SH3GL3: variants seen among roughly 807,000 people sequenced by gnomAD.
The protein encoded by SH3GL3 is endophilin-A3.
SH3GL3 carries 33 observed loss-of-function variants against 47.7 expected under a neutral mutation model. The observed-to-expected ratio is 0.69, with a 90% CI of 0.52 to 0.92. The LOEUF (loss-of-function observed/expected upper bound fraction) is 0.92, where lower values mean the gene tolerates loss of function less well. Among genes scored for constraint, SH3GL3 ranks in the 40% least tolerant of loss-of-function variants. SH3GL3 has a pLI of 0.00. For missense variants in SH3GL3, 363 were observed against 417.8 expected (o/e 0.87, Z 1.14); for synonymous variants, 155 against 148.8 (o/e 1.04, Z -0.30).
At chr15:83,619,137 T>G (rs774435899), downstream of SH3GL3, among the ~76,000 whole-genome samples, 5 of 152,190 alleles carry the variant, frequency 3.3e-5, no homozygotes, top group Non-Finnish European at 7.3e-5. Flanking sequence ...AGTTACATGC[T>G]TTGGCCCACT....
At chr15:83,554,234 C>A (rs556734468) in intron 1 of SH3GL3, among the ~76,000 whole-genome samples, 1 of 152,162 alleles carries the variant, frequency 6.6e-6, no homozygotes, top group South Asian at 2.1e-4. Context: ...ATTGCCCAGA[C>A]TGGAGTGCAA....
chr15:83,573,662 G>A (rs1361400642), intron 5 of SH3GL3, among the ~76,000 whole-genome samples: 1 of 152,188 alleles, frequency 6.6e-6, no homozygotes, highest in Non-Finnish European at 1.5e-5. Context: ...GAGCTTGGGT[G>A]GCCTTCCCTG....
At chr15:83,477,820 G>A (rs2041169221) in intron 1 of SH3GL3, among the ~76,000 whole-genome samples, 1 of 152,082 alleles carries the variant, frequency 6.6e-6, no homozygotes, top group African/African-American at 2.4e-5. Flanking sequence ...AAAATTCTTT[G>A]GAGTTTGTCA....
intron 8 of SH3GL3, among the ~76,000 whole-genome samples, chr15:83,608,584 A>T (rs1253151921): frequency 6.6e-6 from 1 of 152,170 alleles, no homozygotes. Context: ...TAAACCAGAT[A>T]TGCTTGTTTG....
chr15:83,592,548 C>T (rs1249087190), intron 8 of SH3GL3, among the ~76,000 whole-genome samples: 1 of 152,206 alleles, frequency 6.6e-6, no homozygotes, highest in Non-Finnish European at 1.5e-5. Flanking sequence ...GTTTGGCTTT[C>T]ACTCCTCCCC....
chr15:83,547,614 G>T (rs186466881), intron 1 of SH3GL3, among the ~76,000 whole-genome samples: 11 of 129,354 alleles, frequency 8.5e-5, no homozygotes, highest in Non-Finnish European at 1.6e-4. Context: ...GTTCCTGCAG[G>T]GGGGACGATT....
chr15:83,608,973 T>C (rs766595956), intron 8 of SH3GL3, among the ~76,000 whole-genome samples: 40 of 152,132 alleles, frequency 2.6e-4, no homozygotes, highest in Non-Finnish European at 2.6e-4. Context: ...ATTTCCTGAC[T>C]TCAGGCCAGG....
At chr15:83,488,078 A>C (rs1211819142) in intron 1 of SH3GL3, 2 of 151,680 alleles carry the variant, frequency 1.3e-5, no homozygotes. Context: ...GGGTTTCACC[A>C]TGTTGGCCAA....
At chr15:83,594,047 G>A (rs1203956312) in intron 8 of SH3GL3, among the ~76,000 whole-genome samples, 4 of 152,148 alleles carry the variant, frequency 2.6e-5, no homozygotes, top group Non-Finnish European at 5.9e-5. Context: ...ATGAACTTCT[G>A]GGCTCAAGCT....
Position 83,588,766 on chromosome 15 carries a change from C to A in SH3GL3, c.833C>A (p.Thr278Lys). The change falls in exon 8 of 9, where the codon ACG becomes AAG. Residue 278 changes from threonine (T) to lysine (K), a missense_variant. By Grantham distance (78) the Thr-to-Lys change is moderately conservative. Transcript: ENST00000427482. ...NGVSTTSVVK[T>K]TGSNIPMDQP... ...GTTTCCACCACCTCTGTAGTGAAGA[C>A]GACAGGTAAGTTGACCATTCTAATA... 1.3e-6 allele frequency: 2 copies of A among 1,558,812 alleles called. No homozygotes were observed. Among genetic ancestry groups the A allele is most frequent in the Non-Finnish European group, 1.8e-6 (2 of 1,129,498 alleles).
At chr15:83,456,799 G>T (rs555190381) in intron 1 of SH3GL3, among the ~76,000 whole-genome samples, 4 of 152,006 alleles carry the variant, frequency 2.6e-5, no homozygotes, top group East Asian at 1.9e-4. Context: ...GCTGTAGACC[G>T]GAGCTGTTCC....
chr15:83,510,827 T>G (rs2042715692), intron 1 of SH3GL3, among the ~76,000 whole-genome samples: 1 of 151,828 alleles, frequency 6.6e-6, no homozygotes, highest in South Asian at 2.1e-4. Context: ...TTTCTCTGGG[T>G]TTGCAAAGGA....
intron 6 of SH3GL3, among the ~76,000 whole-genome samples, chr15:83,577,461 C>T (rs553086805): frequency 6.6e-6 from 1 of 152,178 alleles, no homozygotes; most frequent in South Asian, 2.1e-4. Context: ...AGTGCAGTGG[C>T]ACGATTGTGA....
At chr15:83,571,814 A>C (rs550986321) in intron 4 of SH3GL3, among the ~76,000 whole-genome samples, 4 of 152,182 alleles carry the variant, frequency 2.6e-5, no homozygotes, top group Non-Finnish European at 5.9e-5. Flanking sequence ...TTTCCCAGGG[A>C]TGTTTTCTAG....
chr15:83,615,400 C>T (rs1567040691), intron 8 of SH3GL3, among the ~76,000 whole-genome samples: 1 of 152,050 alleles, frequency 6.6e-6, no homozygotes, highest in African/African-American at 2.4e-5. Context: ...CTGCAACCTC[C>T]GCCTCCCAGG....
intron 1 of SH3GL3, among the ~76,000 whole-genome samples, chr15:83,527,934 T>A (rs116877060): frequency 0.034 from 5,197 of 152,254 alleles, 115 homozygotes; most frequent in Non-Finnish European, 0.047. Context: ...TATCATACTC[T>A]CACTTCCAGA....
chr15:83,464,505 A>G (rs1441955887), intron 1 of SH3GL3, among the ~76,000 whole-genome samples: 1 of 152,180 alleles, frequency 6.6e-6, no homozygotes, highest in Non-Finnish European at 1.5e-5. Context: ...AAGTGCCTGC[A>G]TCACCTCTCT....
intron 8 of SH3GL3, among the ~76,000 whole-genome samples, chr15:83,610,980 A>AAAAAAAT (rs71453206): frequency 6.8e-6 from 1 of 147,016 alleles, no homozygotes; most frequent in African/African-American, 2.5e-5. Flanking sequence ...TCAGCCAAAA[A>AAAAAAAT]ATATATATAT....
chr15:83,551,329 T>C (rs552013344), intron 1 of SH3GL3, among the ~76,000 whole-genome samples: 64 of 152,296 alleles, frequency 4.2e-4, no homozygotes, highest in Admixed American at 1.1e-3. Context: ...ACGAGCCACA[T>C]TGAGTAGCCA....
Sources: gnomAD v4.1 joint callset for allele counts (sites outside exome capture counted in the v4.1 genomes callset) on GRCh38, gnomAD v4.1.1 for gene constraint, MANE v1.5 for transcripts, NCBI Gene and HGNC (gene_info 2026-07-23, HGNC 2026-07-21) for gene names.